The following ZNF594 variants were observed in gnomAD, a reference collection of about 807,000 sequenced individuals.
ZNF594 encodes zinc finger protein 594.
For missense variants in ZNF594, 1,037 were observed against 964.6 expected (o/e 1.08, Z -0.99); for synonymous variants, 336 against 309.4 (o/e 1.09, Z -0.90).
At chr17:5,185,773 T>C (rs374827190) in intron 1 of ZNF594, among the ~76,000 whole-genome samples, 3 of 152,122 alleles carry the variant, frequency 2.0e-5, no homozygotes, top group South Asian at 2.1e-4. Flanking sequence ...ATGGGAGAAA[T>C]TGGCCAAAAC....
chr17:5,174,758 G>C (rs2074290022), downstream of ZNF594: 2 of 200,498 alleles, frequency 1.0e-5, no homozygotes, highest in South Asian at 3.8e-4. Flanking sequence ...TGAACTAGCG[G>C]AAAATTTATT....
At chr17:5,187,013 C>T (rs8081019) in intron 1 of ZNF594, among the ~76,000 whole-genome samples, 15,694 of 152,216 alleles carry the variant, frequency 0.1, 934 homozygotes, top group Non-Finnish European at 0.11. Context: ...CAGACTGTTC[C>T]GACCTTTGCC....
At chr17:5,176,545 C>T (rs1823135212), downstream of ZNF594, among the ~76,000 whole-genome samples, 1 of 150,710 alleles carries the variant, frequency 6.6e-6, no homozygotes, top group Admixed American at 6.6e-5. Flanking sequence ...TTTTAGGTTT[C>T]TTCTTTTTTT....
chr17:5,183,708 A>G lies in ZNF594; in HGVS notation c.549T>C (p.Tyr183=), dbSNP rs144205715. ...HQRIHTGKKP[Y]ICHECGKDFN... ...AGTCTTTTCCACATTCATGACATAT[A>G]TAAGGTTTCTTTCCTGTATGAATTC... Residue 183 remains tyrosine (Y), a synonymous_variant, in exon 2 of 2, where the codon TAT becomes TAC. Transcript: ENST00000575779. 1 of 1,613,826 alleles carries G rather than the reference A, an allele frequency of 6.2e-7. No individual in the cohort carries two copies. The highest frequency in any genetic ancestry group is 1.3e-5 in the African/African-American group (1 of 74,886).
In ZNF594 at chr17:5,182,818, T is replaced by C; in HGVS notation, c.1439A>G (p.Lys480Arg). ...SQRSHLVTHQ[K>R]IHTGEKPYQC... ...ATAGGGCTTCTCTCCAGTATGGATT[T>C]TCTGGTGTGTAACAAGGTGTGACCT... The change falls in exon 2 of 2, where the codon AAA becomes AGA. Residue 480 changes from lysine (K) to arginine (R), a missense_variant. By Grantham distance (26) the Lys-to-Arg change is conservative. Transcript: ENST00000575779. The C allele has an allele frequency of 6.2e-7, 1 of 1,613,902 alleles. No individual in the cohort carries two copies. Among genetic ancestry groups the C allele is most frequent in the Admixed American group, 1.7e-5 (1 of 59,998 alleles).
downstream of ZNF594, among the ~76,000 whole-genome samples, chr17:5,176,395 C>CAAAAAAA (rs34510280): frequency 8.2e-5 from 7 of 85,622 alleles, no homozygotes; most frequent in Admixed American, 1.3e-4. Context: ...AACTCTGTCT[C>CAAAAAAA]AAAAAAAAAA....
chr17:5,178,123 C>T (rs1465054807), downstream of ZNF594, among the ~76,000 whole-genome samples: 2 of 145,700 alleles, frequency 1.4e-5, no homozygotes, highest in African/African-American at 5.0e-5. Flanking sequence ...CTGAACAGGA[C>T]CTTAGAAAAA....
chr17:5,189,558 A>C (rs1245914954), intron 1 of ZNF594, among the ~76,000 whole-genome samples: 1 of 151,110 alleles, frequency 6.6e-6, no homozygotes, highest in Non-Finnish European at 1.5e-5. Context: ...TTTTTCATAC[A>C]TGCTCTCATT....
rs1283632142 is a variant in ZNF594, at chr17:5,182,211, G to A, written c.2046C>T (p.Cys682=). 4.3e-6 allele frequency: 7 copies of A among 1,613,390 alleles called. No homozygotes were observed. Among genetic ancestry groups the A allele is most frequent in the Non-Finnish European group, 5.9e-6 (7 of 1,179,984 alleles). Residue 682 remains cysteine (C), a synonymous_variant, in exon 2 of 2, where the codon TGC becomes TGT. Coordinates refer to ENST00000575779, the MANE Select transcript of ZNF594 (RefSeq NM_032530.2). ...KIHTGEKPYQ[C]SECGNAFRRR... ...GCCTGAAGGCATTCCCACATTCACT[G>A]CACTGATAGGGTTTCTCTCCAGTAT...
Position 5,183,161 on chromosome 17 carries a change from C to T in ZNF594, c.1096G>A (p.Glu366Lys), listed in dbSNP as rs201287396. 6.8e-6 allele frequency: 11 copies of T among 1,614,080 alleles called. No homozygotes were observed. The East Asian group carries it at 2.0e-4, about 29-fold the overall frequency. The change falls in exon 2 of 2, where the codon GAG (glutamate) becomes AAG (lysine). Residue 366 changes from glutamate (E) to lysine (K), a missense_variant. Coordinates refer to ENST00000575779, the MANE Select transcript of ZNF594 (RefSeq NM_032530.2). Reference sequence around the variant, plus strand: ...TTCTCTTCCTGGTGAATTCTCTGCTCTTCCCTAAGCTCCTCATCCTTGCTG... The same window carrying T: ...TTCTCTTCCTGGTGAATTCTCTGCTTTTCCCTAAGCTCCTCATCCTTGCTG... ...TFSKDEELRE[E>K]QRIHQEEKAY...
rs181984106 is a variant in ZNF594 at position 5,182,675 on chromosome 17, G to C, written c.1582C>G (p.Arg528Gly). The change falls in exon 2 of 2, where the codon CGC (arginine) becomes GGC (glycine). Residue 528 changes from arginine (R) to glycine (G), a missense_variant. Arg to Gly is a moderately radical substitution (Grantham distance 125). Coordinates refer to ENST00000575779, the MANE Select transcript of ZNF594 (RefSeq NM_032530.2). ...CTCTGATGTTTGAGGAAAGCTGTGC[G>C]CCAAATGAAGAGCTTCCCACATTCC... is the stretch of plus-strand genomic sequence containing the variant. ...CKECGKLFIW[R>G]TAFLKHQSLH... is the part of the protein sequence containing the mutation. 3.1e-6 allele frequency: 5 copies of C among 1,613,708 alleles called. No individual in the cohort carries two copies. Among genetic ancestry groups the C allele is most frequent in the Non-Finnish European group, 4.2e-6 (5 of 1,179,904 alleles).
Position 5,184,153 on chromosome 17 carries a change from A to T in ZNF594, c.104T>A (p.Val35Asp), listed in dbSNP as rs193122528. The change falls in exon 2 of 2, where the codon GTT (valine) becomes GAT (aspartate). Residue 35 changes from valine (V) to aspartate (D), a missense_variant. Coordinates refer to ENST00000575779, the MANE Select transcript of ZNF594 (RefSeq NM_032530.2). Reference protein sequence around the residue: ...QRQITQECELVETSNSEDRLL... With the variant: ...QRQITQECELDETSNSEDRLL... ...TCTGTCCTCAGAATTACTGGTTTCA[A>T]CTAACTCACATTCCTGGGTGATTTG... is the stretch of plus-strand genomic sequence containing the variant. 3 of 1,614,170 alleles carry T rather than the reference A, an allele frequency of 1.9e-6. No individual in the cohort carries two copies. The East Asian group carries it at 6.7e-5, about 36-fold the overall frequency.
Position 5,182,633 on chromosome 17 carries a change from T to C in ZNF594, c.1624A>G (p.Lys542Glu). Reference protein sequence around the residue: ...LKHQSLHTGEKLECEKTFSQD... With the variant: ...LKHQSLHTGEELECEKTFSQD... ...CTGAAGGTTTTCTCACATTCAAGTT[T>C]CTCTCCAGTATGCAGGCTCTGATGT... Residue 542 changes from lysine to glutamate, a missense_variant, in exon 2 of 2, where the codon AAA becomes GAA. Transcript: ENST00000575779. The C allele has an allele frequency of 6.2e-7, 1 of 1,613,920 alleles. No individual in the cohort carries two copies. Among genetic ancestry groups the C allele is most frequent in the Non-Finnish European group, 8.5e-7 (1 of 1,179,918 alleles).
chr17:5,191,587 G>C (rs2074424986), intron 1 of ZNF594, 161 bp downstream of exon 1: 1 of 152,816 alleles, frequency 6.5e-6, no homozygotes, highest in Admixed American at 6.5e-5. Flanking sequence ...CCAAGAAGCC[G>C]ACCGAGAGCA....
Position 5,182,324 on chromosome 17 carries a change from T to C in ZNF594, c.1933A>G (p.Ile645Val), listed in dbSNP as rs369230201. The change falls in exon 2 of 2, where the codon ATT becomes GTT. Residue 645 changes from isoleucine (I) to valine (V), a missense_variant. By Grantham distance (29) the Ile-to-Val change is conservative (BLOSUM62 3). Transcript: ENST00000575779. ...GSSDLIKHHR[I>V]HTGEKPYECS... Reference sequence around the variant, plus strand: ...TCATAGGGTTTCTCTCCAGTATGAATACGATGGTGTTTAATAAGATCTGAG... The same window carrying C: ...TCATAGGGTTTCTCTCCAGTATGAACACGATGGTGTTTAATAAGATCTGAG... 4.3e-5 allele frequency: 70 copies of C among 1,612,828 alleles called. No homozygotes were observed. The highest frequency in any genetic ancestry group is 5.3e-5 in the Non-Finnish European group (63 of 1,179,738).
intron 1 of ZNF594, 146 bp downstream of exon 1, chr17:5,191,602 G>C (rs899304420): frequency 2.0e-5 from 3 of 152,854 alleles, no homozygotes; most frequent in Non-Finnish European, 2.9e-5. Flanking sequence ...AGAGCAAGAA[G>C]GCCCAGTCAT....
At chr17:5,188,144 T>C (rs996565573) in intron 1 of ZNF594, among the ~76,000 whole-genome samples, 2 of 151,960 alleles carry the variant, frequency 1.3e-5, no homozygotes, top group Non-Finnish European at 2.9e-5. Flanking sequence ...TTGTCATAAT[T>C]TTCCCTTGAA....
At chr17:5,190,650 C>T (rs865973526) in intron 1 of ZNF594, among the ~76,000 whole-genome samples, 4 of 152,160 alleles carry the variant, frequency 2.6e-5, no homozygotes, top group Admixed American at 1.3e-4. Flanking sequence ...AAAAGCGCTG[C>T]GGTGGCAATC....
downstream of ZNF594, among the ~76,000 whole-genome samples, chr17:5,175,300 GCACGCCA>G (rs2144222289): frequency 6.6e-6 from 1 of 152,334 alleles, no homozygotes; most frequent in South Asian, 2.1e-4. Flanking sequence ...ATCAGCAGCG[GCACGCCA>G]TTCTCACAGG....
Sources: allele counts gnomAD v4.1 joint callset (sites outside exome capture counted in the v4.1 genomes callset), GRCh38; gene constraint gnomAD v4.1.1; transcripts MANE v1.5; gene names NCBI Gene and HGNC (gene_info 2026-07-23, HGNC 2026-07-21).